Variants in NALCN observed in about 807,000 individuals in gnomAD.
The protein encoded by NALCN is sodium leak channel, non-selective.
Under a neutral mutation model 225.3 loss-of-function variants are expected in NALCN, and 111 were observed. The observed-to-expected ratio is 0.49, with a 90% CI of 0.42 to 0.58. The LOEUF is 0.58. Among genes scored for constraint, NALCN ranks in the 20% least tolerant of loss-of-function variants. The pLI, the probability that NALCN is intolerant of heterozygous loss-of-function variation, is 0.00. For missense variants in NALCN, 1,378 were observed against 2,202.4 expected (o/e 0.63, Z 7.49); for synonymous variants, 764 against 769.0 (o/e 0.99, Z 0.11).
intron 11 of NALCN, among the ~76,000 whole-genome samples, chr13:101,244,978 T>C (rs2041851367): frequency 6.6e-6 from 1 of 151,706 alleles, no homozygotes; most frequent in Admixed American, 6.6e-5. Flanking sequence ...AACTGGGGTC[T>C]CTGCAGAACC....
At chr13:101,187,600 A>G (rs1373412563) in intron 14 of NALCN, among the ~76,000 whole-genome samples, 1 of 152,218 alleles carries the variant, frequency 6.6e-6, no homozygotes, top group African/African-American at 2.4e-5. Flanking sequence ...GAGTCACAAA[A>G]AAGATGGTCA....
chr13:101,082,778 T>C, intron 33 of NALCN, 31 bp downstream of exon 33: 1 of 1,610,182 alleles, frequency 6.2e-7, no homozygotes, highest in Non-Finnish European at 8.5e-7. Context: ...GTGCACAGAT[T>C]CCCCCAGAGC....
rs533567032 is a variant in NALCN at position 101,228,259 on chromosome 13, C to G, written c.1626+1134G>C. Reference sequence around the variant, plus strand: ...TAGCATAGGATTTTTAAAAAAATCCCTAAAATAAAGCTAAGCTATCCATTA... The same window carrying G: ...TAGCATAGGATTTTTAAAAAAATCCGTAAAATAAAGCTAAGCTATCCATTA... On this transcript the variant is annotated intron_variant, in intron 13 of 43. Coordinates refer to ENST00000251127, the MANE Select transcript of NALCN (RefSeq NM_052867.4). Among the ~76,000 whole-genome samples, 7 of 152,220 alleles carry G rather than the reference C, an allele frequency of 4.6e-5. No homozygotes were observed. The South Asian group carries it at 1.5e-3, about 32-fold the overall frequency.
intron 10 of NALCN, among the ~76,000 whole-genome samples, chr13:101,274,557 C>G (rs1354473223): frequency 6.6e-6 from 1 of 152,074 alleles, no homozygotes; most frequent in Admixed American, 6.5e-5. Context: ...TAAATATTAG[C>G]TATTATTATT....
At chr13:101,114,437 C>T (rs2057501429) in intron 18 of NALCN, among the ~76,000 whole-genome samples, 1 of 152,084 alleles carries the variant, frequency 6.6e-6, no homozygotes, top group Non-Finnish European at 1.5e-5. Context: ...CTCTCTCTCT[C>T]TCTCTCTCTC....
chr13:101,238,317 C>T (rs571577963), intron 11 of NALCN, among the ~76,000 whole-genome samples: 1 of 151,952 alleles, frequency 6.6e-6, no homozygotes, highest in East Asian at 1.9e-4. Context: ...TAACAACTTA[C>T]ATATTATTAA....
rs560104182 is a variant in NALCN, at chr13:101,382,540, A to C, written c.292-3887T>G. On this transcript the variant is annotated intron_variant, in intron 3 of 43. Transcript: ENST00000251127. Reference sequence around the variant, plus strand: ...TTCAGAATGAAAAGCTATCAATAACAGATGTGACTGAATTTTTGTTTCTGA... The same window carrying C: ...TTCAGAATGAAAAGCTATCAATAACCGATGTGACTGAATTTTTGTTTCTGA... Among the ~76,000 whole-genome samples the C allele has an allele frequency of 5.3e-5, 8 of 152,308 alleles. No homozygotes were observed. The South Asian group carries it at 1.5e-3, about 28-fold the overall frequency.
At chr13:101,297,386 C>G in intron 7 of NALCN, among the ~76,000 whole-genome samples, 1 of 152,174 alleles carries the variant, frequency 6.6e-6, no homozygotes, top group Non-Finnish European at 1.5e-5. Context: ...TGAAAAATCA[C>G]CTTCACTCCC....
intron 10 of NALCN, among the ~76,000 whole-genome samples, chr13:101,278,195 A>G (rs532070551): frequency 8.5e-5 from 13 of 152,240 alleles, no homozygotes; most frequent in African/African-American, 3.1e-4. Context: ...CAAATGTTTC[A>G]TTCCAATAAA....
intron 3 of NALCN, among the ~76,000 whole-genome samples, chr13:101,381,554 A>G (rs2139436094): frequency 6.6e-6 from 1 of 152,206 alleles, no homozygotes; most frequent in Admixed American, 6.5e-5. Flanking sequence ...CCAAGAAGGT[A>G]ATAGAAGATG....
intron 13 of NALCN, among the ~76,000 whole-genome samples, chr13:101,203,233 G>C (rs1317986549): frequency 6.6e-6 from 1 of 150,918 alleles, no homozygotes; most frequent in African/African-American, 2.5e-5. Context: ...TCTTTTTTTT[G>C]AGACAGAGTT....
intron 7 of NALCN, among the ~76,000 whole-genome samples, chr13:101,339,535 G>A (rs965565007): frequency 3.7e-4 from 56 of 152,236 alleles, no homozygotes; most frequent in African/African-American, 1.2e-3. Flanking sequence ...CGTGGCTCAG[G>A]GAATTAGAGG....
intron 18 of NALCN, among the ~76,000 whole-genome samples, chr13:101,111,519 T>C (rs1207989099): frequency 6.6e-6 from 1 of 152,146 alleles, no homozygotes; most frequent in Admixed American, 6.5e-5. Context: ...GTAGAGCTTC[T>C]ATCAGGACAC....
intron 17 of NALCN, among the ~76,000 whole-genome samples, chr13:101,142,081 C>A (rs950208972): frequency 6.8e-6 from 1 of 147,002 alleles, no homozygotes; most frequent in Non-Finnish European, 1.5e-5. Context: ...ATTTATATGT[C>A]TATGTGTGTA....
chr13:101,270,021 A>G (rs950240752), intron 10 of NALCN, among the ~76,000 whole-genome samples: 1 of 152,164 alleles, frequency 6.6e-6, no homozygotes, highest in Non-Finnish European at 1.5e-5. Flanking sequence ...AAATCCAACC[A>G]TTATTTTTTT....
chr13:101,297,316 A>G (rs1367492930), intron 7 of NALCN, among the ~76,000 whole-genome samples: 2 of 152,234 alleles, frequency 1.3e-5, no homozygotes, highest in Non-Finnish European at 1.5e-5. Context: ...GGAAGTTAGA[A>G]TTGGAGATGT....
chr13:101,174,434 G>A (rs2038875705), intron 15 of NALCN, among the ~76,000 whole-genome samples: 1 of 152,064 alleles, frequency 6.6e-6, no homozygotes, highest in Non-Finnish European at 1.5e-5. Flanking sequence ...GGGCCATATA[G>A]TTTATTAAAA....
intron 10 of NALCN, among the ~76,000 whole-genome samples, chr13:101,275,268 C>T (rs1000013416): frequency 2.6e-5 from 4 of 152,030 alleles, no homozygotes; most frequent in Non-Finnish European, 5.9e-5. Context: ...GAGAAACAAA[C>T]CAAAACAAAA....
chr13:101,328,011 G>A (rs2045023161), intron 7 of NALCN, among the ~76,000 whole-genome samples: 1 of 152,152 alleles, frequency 6.6e-6, no homozygotes, highest in South Asian at 2.1e-4. Context: ...TGGGCAGGGA[G>A]TTGCGATAAA....
Sources: gnomAD v4.1 joint callset for allele counts (sites outside exome capture counted in the v4.1 genomes callset) on GRCh38, gnomAD v4.1.1 for gene constraint, MANE v1.5 for transcripts, NCBI Gene and HGNC (gene_info 2026-07-23, HGNC 2026-07-21) for gene names.